Variants in ATF7 observed in about 807,000 individuals in gnomAD.
ATF7 encodes activating transcription factor 7, also known as cyclic AMP-dependent transcription factor ATF-7.
In ATF7, 10 loss-of-function variants were observed where a neutral mutation model predicts 50.4. The ratio of observed to expected loss-of-function variants is 0.20; its 90% CI spans 0.12 to 0.34. ATF7 has a LOEUF of 0.34. Among genes scored for constraint, ATF7 ranks in the 10% least tolerant of loss-of-function variants. The probability of loss-of-function intolerance (pLI) is 1.00; values close to 1 mark genes in which losing one functional copy is unlikely to be tolerated. For synonymous variants in ATF7, 201 were observed against 226.4 expected (o/e 0.89, Z 1.01); for missense variants, 465 against 613.9 (o/e 0.76, Z 2.56).
chr12:53,587,842 T>A (rs1942773509), intron 2 of ATF7, among the ~76,000 whole-genome samples: 1 of 44,736 alleles, frequency 2.2e-5, no homozygotes, highest in Admixed American at 3.3e-4. Context: ...TATATATATA[T>A]ATTTTTTTTT....
intron 1 of ATF7, among the ~76,000 whole-genome samples, chr12:53,618,555 G>A (rs1035623339): frequency 6.6e-6 from 1 of 152,120 alleles, no homozygotes; most frequent in Non-Finnish European, 1.5e-5. Flanking sequence ...TAACAAGCAG[G>A]AAAAGTTGCT....
intron 11 of ATF7, 86 bp from the exon 12 acceptor site, chr12:53,517,440 C>G: frequency 7.6e-7 from 1 of 1,309,202 alleles, no homozygotes; most frequent in Non-Finnish European, 1.1e-6. Flanking sequence ...TGCCATAATT[C>G]TAAAGGAGCC....
intron 3 of ATF7, among the ~76,000 whole-genome samples, chr12:53,552,313 C>T (rs1476604906): frequency 1.3e-5 from 2 of 152,084 alleles, no homozygotes; most frequent in African/African-American, 4.8e-5. Flanking sequence ...GAAACCTCAA[C>T]ACACCTACCT....
chr12:53,510,357 A>G (rs944114975), downstream of ATF7, among the ~76,000 whole-genome samples: 6 of 152,206 alleles, frequency 3.9e-5, no homozygotes, highest in African/African-American at 1.4e-4. Flanking sequence ...ACTTCTTAAA[A>G]GGGAGTATCA....
chr12:53,538,248 G>A (rs770943844), intron 4 of ATF7, among the ~76,000 whole-genome samples: 11 of 152,154 alleles, frequency 7.2e-5, no homozygotes, highest in Non-Finnish European at 1.3e-4. Context: ...CTGGAGAGCT[G>A]TGAACACTTT....
chr12:53,541,237 A>G (rs1305507493), intron 4 of ATF7, among the ~76,000 whole-genome samples: 1 of 152,156 alleles, frequency 6.6e-6, no homozygotes, highest in Admixed American at 6.5e-5. Context: ...TTTTTCTTAA[A>G]TATAGGGAAA....
At chr12:53,618,826 T>C (rs1327804270) in intron 1 of ATF7, among the ~76,000 whole-genome samples, 4 of 151,566 alleles carry the variant, frequency 2.6e-5, no homozygotes, top group Non-Finnish European at 4.4e-5. Flanking sequence ...CTGAGGTAGG[T>C]GGATTGCCTG....
downstream of ATF7, chr12:53,508,323 A>G (rs916131648): frequency 2.0e-5 from 3 of 150,766 alleles, no homozygotes; most frequent in Non-Finnish European, 2.9e-5. Context: ...GCACTTTGGG[A>G]GACCAAGGCG....
chr12:53,598,794 T>C lies in ATF7; in HGVS notation c.48+2159A>G, dbSNP rs192282532. Among the ~76,000 whole-genome samples, 512 of 152,324 alleles carry C rather than the reference T, an allele frequency of 3.4e-3. 8 individuals carry two copies. The South Asian group carries it at 0.04, about 12-fold the overall frequency. Reference sequence around the variant, plus strand: ...CCTTATTTTTATCTTCTATTTTTACTTCTTTGCAAAGTCCTTGTCTGGGTT... The same window carrying C: ...CCTTATTTTTATCTTCTATTTTTACCTCTTTGCAAAGTCCTTGTCTGGGTT... On this transcript the variant is annotated intron_variant, in intron 2 of 11. Transcript: ENST00000420353.
At chr12:53,531,283 A>ATGG (rs994579449) in intron 9 of ATF7, among the ~76,000 whole-genome samples, 10 of 151,982 alleles carry the variant, frequency 6.6e-5, no homozygotes, top group Non-Finnish European at 1.2e-4. Flanking sequence ...TTAGCTGGCC[A>ATGG]TGGTGGTGGG....
chr12:53,582,024 A>C (rs1335260658), intron 2 of ATF7, among the ~76,000 whole-genome samples: 1 of 151,900 alleles, frequency 6.6e-6, no homozygotes, highest in Non-Finnish European at 1.5e-5. Flanking sequence ...AATCATTTGA[A>C]CTGAGGAGTC....
chr12:53,541,238 T>C (rs1361082741), intron 4 of ATF7, among the ~76,000 whole-genome samples: 3 of 152,130 alleles, frequency 2.0e-5, no homozygotes, highest in Non-Finnish European at 4.4e-5. Flanking sequence ...TTTTCTTAAA[T>C]ATAGGGAAAA....
chr12:53,534,112 C>T (rs1454136851), intron 6 of ATF7, among the ~76,000 whole-genome samples: 1 of 152,114 alleles, frequency 6.6e-6, no homozygotes, highest in Non-Finnish European at 1.5e-5. Context: ...CCCGTCTCTA[C>T]TAAAAATACA....
intron 2 of ATF7, among the ~76,000 whole-genome samples, chr12:53,596,236 G>A (rs1446429331): frequency 6.6e-6 from 1 of 152,148 alleles, no homozygotes; most frequent in Admixed American, 6.5e-5. Flanking sequence ...GGAGGTAGAG[G>A]TTTCAGTGAG....
At chr12:53,531,283 A>G (rs567038505) in intron 9 of ATF7, among the ~76,000 whole-genome samples, 16 of 152,100 alleles carry the variant, frequency 1.1e-4, no homozygotes, top group Admixed American at 2.6e-4. Context: ...TTAGCTGGCC[A>G]TGGTGGTGGG....
chr12:53,568,400 ACTCT>A (rs370625381), intron 2 of ATF7, among the ~76,000 whole-genome samples: 2 of 151,150 alleles, frequency 1.3e-5, no homozygotes, highest in East Asian at 1.9e-4. Flanking sequence ...ACGCACACAC[ACTCT>A]CTCTCTCTCT....
At chr12:53,533,123 T>C (rs1427205745) in intron 7 of ATF7, 37 bp downstream of exon 7, 3 of 1,526,088 alleles carry the variant, frequency 2.0e-6, no homozygotes, top group East Asian at 2.3e-5. Context: ...AGGATTACCA[T>C]GTTGGTAGGG....
chr12:53,518,075 G>A (rs182259259), intron 11 of ATF7, among the ~76,000 whole-genome samples: 13 of 151,472 alleles, frequency 8.6e-5, no homozygotes, highest in Non-Finnish European at 1.8e-4. Context: ...ACGTTAGCTA[G>A]GCTGGTCTCA....
At chr12:53,511,849 T>A (rs1416499408), downstream of ATF7, among the ~76,000 whole-genome samples, 1 of 152,222 alleles carries the variant, frequency 6.6e-6, no homozygotes, top group Non-Finnish European at 1.5e-5. Flanking sequence ...GCCCTGGGCC[T>A]TCTGTCATAC....
Sources: gnomAD v4.1 joint callset for allele counts (sites outside exome capture counted in the v4.1 genomes callset) on GRCh38, gnomAD v4.1.1 for gene constraint, MANE v1.5 for transcripts, NCBI Gene and HGNC (gene_info 2026-07-23, HGNC 2026-07-21) for gene names.